NT5DC1: variants seen among roughly 807,000 people sequenced by gnomAD.
NT5DC1 encodes the protein 5'-nucleotidase domain containing 1, also known as 5'-nucleotidase domain-containing protein 1.
Under a neutral mutation model 59.4 loss-of-function variants are expected in NT5DC1, and 42 were observed. That is an observed-to-expected ratio of 0.71 (90% CI 0.55 to 0.92). The LOEUF (loss-of-function observed/expected upper bound fraction) is 0.92. NT5DC1 is among the 40% of genes least tolerant of loss of function. The probability of loss-of-function intolerance (pLI) is 0.00; values close to 1 mark genes in which losing one functional copy is unlikely to be tolerated. For synonymous variants in NT5DC1, 172 were observed against 188.1 expected (o/e 0.91, Z 0.70); for missense variants, 501 against 537.1 (o/e 0.93, Z 0.66).
intron 6 of NT5DC1, among the ~76,000 whole-genome samples, chr6:116,189,911 T>C (rs1781078813): frequency 6.6e-6 from 1 of 152,046 alleles, no homozygotes; most frequent in South Asian, 2.1e-4. Flanking sequence ...TGTTTTTGCC[T>C]TTTAAGATTT....
At chr6:116,131,651 C>T (rs2114332231) in intron 6 of NT5DC1, among the ~76,000 whole-genome samples, 1 of 152,218 alleles carries the variant, frequency 6.6e-6, no homozygotes, top group Middle Eastern at 3.4e-3. Flanking sequence ...TGTGTTATTT[C>T]CTGTCTTTTG....
chr6:116,229,433 C>A (rs1004406245), intron 8 of NT5DC1, among the ~76,000 whole-genome samples: 2 of 152,212 alleles, frequency 1.3e-5, no homozygotes, highest in Non-Finnish European at 2.9e-5. Flanking sequence ...TAGCGAGTCG[C>A]ACAGGTTTGA....
In NT5DC1 at chr6:116,125,344, C is replaced by T. The variant is rs758830415; in HGVS notation, c.529+7399C>T. ...AAATATACAATTCAATTTACCTTTA[C>T]TCTTTATGGTGTAGGGAATGAAGAA... On this transcript the variant is annotated intron_variant, in intron 6 of 11. Coordinates refer to ENST00000319550, the MANE Select transcript of NT5DC1 (RefSeq NM_152729.3). 3.8e-5 allele frequency: 62 copies of T among 1,613,258 alleles called. No individual in the cohort carries two copies. The highest frequency in any genetic ancestry group is 5.0e-5 in the Non-Finnish European group (59 of 1,179,618).
intron 8 of NT5DC1, among the ~76,000 whole-genome samples, chr6:116,229,291 G>A (rs546316677): frequency 6.6e-6 from 1 of 152,200 alleles, no homozygotes; most frequent in African/African-American, 2.4e-5. Flanking sequence ...TCCCACCACT[G>A]CCCGCATCAT....
chr6:116,128,310 A>G (rs1390886521), intron 6 of NT5DC1, among the ~76,000 whole-genome samples: 2 of 152,198 alleles, frequency 1.3e-5, no homozygotes, highest in Non-Finnish European at 2.9e-5. Flanking sequence ...TGTCCAAAAC[A>G]GATTGTAGAA....
At chr6:116,241,952 AAAAAAAAC>A (rs1214869813) in intron 11 of NT5DC1, among the ~76,000 whole-genome samples, 116 of 145,684 alleles carry the variant, frequency 8.0e-4, no homozygotes, top group East Asian at 1.2e-3. Context: ...AACAAAAAAA[AAAAAAAAC>A]AAAGAATCAG....
At chr6:116,173,912 A>T (rs1562150480) in intron 6 of NT5DC1, among the ~76,000 whole-genome samples, 1 of 152,168 alleles carries the variant, frequency 6.6e-6, no homozygotes, top group Non-Finnish European at 1.5e-5. Flanking sequence ...CCTGTCCCAT[A>T]ATCCCATTCA....
In NT5DC1 at chr6:116,186,115, C is replaced by T. The variant is rs1280979876; in HGVS notation, c.530-34939C>T. Among the ~76,000 whole-genome samples the T allele has an allele frequency of 2.0e-5, 3 of 151,908 alleles. No homozygotes were observed. The East Asian group carries it at 5.8e-4, about 29-fold the overall frequency. On this transcript the variant is annotated intron_variant, in intron 6 of 11. Transcript: ENST00000319550. The stretch of plus-strand genomic sequence containing the variant: ...TTTGTCTAAAAAAGACTGTGTCTTC[C>T]CTTCATTTATGAAGCTTAGTTTCAC...
chr6:116,120,564 GA>G, intron 6 of NT5DC1: 3 of 1,608,700 alleles, frequency 1.9e-6, no homozygotes, highest in Non-Finnish European at 2.5e-6. Context: ...ATGACTGCTT[GA>G]CCTGGTGGGC....
intron 4 of NT5DC1, among the ~76,000 whole-genome samples, chr6:116,112,657 C>A (rs1158355966): frequency 6.6e-6 from 1 of 152,186 alleles, no homozygotes; most frequent in African/African-American, 2.4e-5. Flanking sequence ...AATCAGGCTC[C>A]TAGCAATGGA....
intron 6 of NT5DC1, among the ~76,000 whole-genome samples, chr6:116,154,434 T>G (rs570543210): frequency 6.6e-6 from 1 of 152,242 alleles, no homozygotes; most frequent in East Asian, 1.9e-4. Flanking sequence ...GACAACAGAT[T>G]CACCCAAACA....
At chr6:116,112,929 T>C (rs1778906904) in intron 4 of NT5DC1, among the ~76,000 whole-genome samples, 1 of 152,244 alleles carries the variant, frequency 6.6e-6, no homozygotes, top group Non-Finnish European at 1.5e-5. Flanking sequence ...AATTGTAAAG[T>C]ACATGCCCTA....
chr6:116,176,209 G>A (rs1435905448), intron 6 of NT5DC1, among the ~76,000 whole-genome samples: 1 of 152,184 alleles, frequency 6.6e-6, no homozygotes, highest in East Asian at 1.9e-4. Flanking sequence ...GCTTAGGGAT[G>A]CTGTGCTGGC....
At chr6:116,142,803 G>C (rs1446662156) in intron 6 of NT5DC1, among the ~76,000 whole-genome samples, 3 of 152,152 alleles carry the variant, frequency 2.0e-5, no homozygotes, top group African/African-American at 7.2e-5. Flanking sequence ...GAAGATGTAA[G>C]GTTCTGTATT....
Position 116,238,221 on chromosome 6 carries a change from T to C in NT5DC1, c.956T>C (p.Ile319Thr). The change falls in exon 10 of 12, where the codon ATT becomes ACT. Residue 319 changes from isoleucine to threonine, a missense_variant. Physicochemically the swap from Ile to Thr is moderately conservative, Grantham distance 89. Coordinates refer to ENST00000319550, the MANE Select transcript of NT5DC1 (RefSeq NM_152729.3). Reference sequence around the variant, plus strand: ...TTTGGTGACAGCATGCATTCAGATATTTTCCCAGCTCGTCACTATAGTAAT... The same window carrying C: ...TTTGGTGACAGCATGCATTCAGATACTTTCCCAGCTCGTCACTATAGTAAT... ...VYFGDSMHSD[I>T]FPARHYSNWE... 6.2e-7 allele frequency: 1 copy of C among 1,612,220 alleles called. No homozygotes were observed. Among genetic ancestry groups the C allele is most frequent in the Non-Finnish European group, 8.5e-7 (1 of 1,178,950 alleles).
intron 6 of NT5DC1, among the ~76,000 whole-genome samples, chr6:116,163,233 G>GT (rs1347560810): frequency 5.4e-4 from 79 of 146,948 alleles, no homozygotes; most frequent in East Asian, 4.7e-3. Context: ...CTGGTCCTGG[G>GT]TTTTTTTTTG....
intron 8 of NT5DC1, among the ~76,000 whole-genome samples, chr6:116,229,353 T>G (rs1781965400): frequency 6.6e-6 from 1 of 152,122 alleles, no homozygotes; most frequent in Non-Finnish European, 1.5e-5. Context: ...ATGGTTAAAG[T>G]AAAGTTAATG....
At chr6:116,137,582 A>C (rs1331528894) in intron 6 of NT5DC1, 8 of 214,264 alleles carry the variant, frequency 3.7e-5, no homozygotes, top group African/African-American at 6.9e-5. Flanking sequence ...GCGTTTTCCC[A>C]CTGGGTTGGA....
At chr6:116,137,291 T>C in intron 6 of NT5DC1, 1 of 157,600 alleles carries the variant, frequency 6.3e-6, no homozygotes, top group Middle Eastern at 2.6e-3. Flanking sequence ...GTGCTCCAGG[T>C]TTTATCCACA....
Sources: gnomAD v4.1 joint callset for allele counts (sites outside exome capture counted in the v4.1 genomes callset) on GRCh38, gnomAD v4.1.1 for gene constraint, MANE v1.5 for transcripts, NCBI Gene and HGNC (gene_info 2026-07-23, HGNC 2026-07-21) for gene names.